Variants in MARCHF7 observed in about 807,000 individuals in gnomAD.
MARCHF7 encodes membrane associated ring-CH-type finger 7.
MARCHF7 carries 20 observed loss-of-function variants against 76.5 expected under a neutral mutation model. The observed-to-expected ratio is 0.26, with a 90% CI of 0.18 to 0.38. The LOEUF is 0.38. Ranked by LOEUF, MARCHF7 falls within the 10% of genes least tolerant of loss-of-function variation. The pLI is 1.00. For missense variants in MARCHF7, 797 were observed against 812.9 expected, an observed-to-expected ratio of 0.98 and a Z score of 0.24; for synonymous variants, 295 against 293.0, an observed-to-expected ratio of 1.01 and a Z score of -0.07.
At chr2:159,722,897 A>G (rs779820751) in intron 3 of MARCHF7, among the ~76,000 whole-genome samples, 6 of 152,238 alleles carry the variant, frequency 3.9e-5, no homozygotes, top group Non-Finnish European at 8.8e-5. Flanking sequence ...GTTTGTTTTA[A>G]GCAGATTTCC....
At chr2:159,742,936 CA>C (rs67868976) in intron 4 of MARCHF7, 124 bp from the exon 5 acceptor site, 39,503 of 738,068 alleles carry the variant, frequency 0.054, no homozygotes, top group East Asian at 0.073. Context: ...GACTCAGTCT[CA>C]AAAAAAAAAA....
intron 4 of MARCHF7, among the ~76,000 whole-genome samples, chr2:159,732,355 A>T (rs1702917216): frequency 6.6e-6 from 1 of 152,140 alleles, no homozygotes; most frequent in Non-Finnish European, 1.5e-5. Context: ...TATTTTCTAA[A>T]TGCTTTTTAG....
intron 4 of MARCHF7, among the ~76,000 whole-genome samples, chr2:159,731,704 A>G (rs560449547): frequency 6.6e-6 from 1 of 151,880 alleles, no homozygotes; most frequent in East Asian, 1.9e-4. Context: ...CCATGAGCCA[A>G]GATCGCGCCA....
chr2:159,728,077 C>A (rs1271535815), intron 3 of MARCHF7, among the ~76,000 whole-genome samples: 2 of 152,090 alleles, frequency 1.3e-5, no homozygotes, highest in African/African-American at 4.8e-5. Context: ...TCCAATAGTA[C>A]CATAAACAAT....
chr2:159,718,660 A>T (rs574130791), intron 3 of MARCHF7, among the ~76,000 whole-genome samples: 2 of 152,284 alleles, frequency 1.3e-5, no homozygotes, highest in South Asian at 4.1e-4. Context: ...TCCAAGCTCT[A>T]CCTGGTAGGC....
chr2:159,770,026 G>A lies in MARCHF7; in HGVS notation c.*2684G>A, dbSNP rs1294228042. Reference sequence around the variant, plus strand: ...GGACATTGTAGTTGTAGACGTTTGAGACTGTTGGTTTTAAGTTGGACTTAA... The same window carrying A: ...GGACATTGTAGTTGTAGACGTTTGAAACTGTTGGTTTTAAGTTGGACTTAA... On this transcript the variant is annotated 3_prime_UTR_variant, in exon 12 of 12. Coordinates refer to ENST00000409175, the MANE Select transcript of MARCHF7 (RefSeq NM_001282805.2). 3 of 152,106 alleles carry A rather than the reference G, an allele frequency of 2.0e-5. No individual in the cohort carries two copies. Among genetic ancestry groups the A allele is most frequent in the African/African-American group, 7.2e-5 (3 of 41,410 alleles). The allele number at this position is 152,106 out of a possible 1,614,324, so 9.4% of individuals were successfully genotyped here.
intron 8 of MARCHF7, among the ~76,000 whole-genome samples, chr2:159,758,159 C>G (rs976876675): frequency 6.6e-6 from 1 of 152,118 alleles, no homozygotes; most frequent in Admixed American, 6.5e-5. Context: ...AATTTTAAGG[C>G]CATTTTCCCA....
At chr2:159,732,690 T>A (rs1401603736) in intron 4 of MARCHF7, 1 of 213,714 alleles carries the variant, frequency 4.7e-6, no homozygotes, top group Non-Finnish European at 8.0e-6. Context: ...CACACGTGGC[T>A]AATTTTTTAA....
chr2:159,763,375 AATTT>A (rs1337672036), intron 10 of MARCHF7, among the ~76,000 whole-genome samples: 3 of 152,222 alleles, frequency 2.0e-5, no homozygotes, highest in Non-Finnish European at 4.4e-5. Flanking sequence ...AATTAACTTC[AATTT>A]ATTTGTTACT....
chr2:159,724,668 C>A (rs561861377), intron 3 of MARCHF7, among the ~76,000 whole-genome samples: 7 of 152,200 alleles, frequency 4.6e-5, no homozygotes, highest in African/African-American at 1.7e-4. Context: ...TCTCACACAT[C>A]CTGTTCTTAT....
rs764555862 is a variant in MARCHF7 at position 159,762,874 on chromosome 2, TTG to T, written c.1894-5_1894-4del. 1 of 1,586,778 alleles carries T rather than the reference TTG, an allele frequency of 6.3e-7. No homozygotes were observed. Among genetic ancestry groups the T allele is most frequent in the Non-Finnish European group, 8.6e-7 (1 of 1,164,608 alleles). ...TTCTTTTCTCCTGTTTGCTTCCCTG[TTG>T]AAGGCTGAGTATGAGTTTATCAGCT... On this transcript the variant is annotated splice_region_variant and splice_polypyrimidine_tract_variant and intron_variant, in intron 9 of 11. Transcript: ENST00000409175.
intron 7 of MARCHF7, among the ~76,000 whole-genome samples, chr2:159,750,377 T>C (rs1459505371): frequency 1.3e-5 from 2 of 152,154 alleles, no homozygotes; most frequent in Admixed American, 6.5e-5. Flanking sequence ...ATACAAAATT[T>C]AGCTGGGTGT....
intron 4 of MARCHF7, among the ~76,000 whole-genome samples, chr2:159,740,342 T>C (rs1370962425): frequency 6.6e-6 from 1 of 152,200 alleles, no homozygotes; most frequent in South Asian, 2.1e-4. Flanking sequence ...TGACAAGTTA[T>C]GGAGTTTGTA....
At chr2:159,716,361 T>A (rs540049159) in intron 3 of MARCHF7, among the ~76,000 whole-genome samples, 1 of 151,978 alleles carries the variant, frequency 6.6e-6, no homozygotes, top group Non-Finnish European at 1.5e-5. Context: ...AAATATTGCA[T>A]TGGGGCTGGG....
chr2:159,717,960 A>G (rs536580727), intron 3 of MARCHF7, among the ~76,000 whole-genome samples: 1 of 152,224 alleles, frequency 6.6e-6, no homozygotes, highest in African/African-American at 2.4e-5. Context: ...CTATGTGTTA[A>G]AGACAAATTT....
At chr2:159,742,061 A>C (rs1311975486) in intron 4 of MARCHF7, among the ~76,000 whole-genome samples, 1 of 152,228 alleles carries the variant, frequency 6.6e-6, no homozygotes, top group Non-Finnish European at 1.5e-5. Flanking sequence ...AATGCATTGT[A>C]GTGAGTGAAC....
chr2:159,736,916 C>G (rs537627804), intron 4 of MARCHF7, among the ~76,000 whole-genome samples: 12 of 152,170 alleles, frequency 7.9e-5, no homozygotes, highest in Non-Finnish European at 1.3e-4. Flanking sequence ...CTAGATAGCC[C>G]TCCACCTCTT....
At chr2:159,735,286 A>G (rs780158954) in intron 4 of MARCHF7, among the ~76,000 whole-genome samples, 2 of 152,252 alleles carry the variant, frequency 1.3e-5, no homozygotes, top group African/African-American at 4.8e-5. Flanking sequence ...TGTGCATTAC[A>G]TGATTTTTAA....
At chr2:159,715,827 T>A (rs913643014) in intron 3 of MARCHF7, 61 bp downstream of exon 3, 3 of 152,226 alleles carry the variant, frequency 2.0e-5, no homozygotes, top group African/African-American at 7.2e-5. Flanking sequence ...TGTCAACAGC[T>A]TAAAAAGAAG....
Sources: gnomAD v4.1 joint callset for allele counts (sites outside exome capture counted in the v4.1 genomes callset) on GRCh38, gnomAD v4.1.1 for gene constraint, MANE v1.5 for transcripts, NCBI Gene and HGNC (gene_info 2026-07-23, HGNC 2026-07-21) for gene names.